The following KCNJ6 variants were observed in gnomAD, a reference collection of about 807,000 sequenced individuals.
The protein encoded by KCNJ6 is G protein-activated inward rectifier potassium channel 2.
In KCNJ6, 9 loss-of-function variants were observed where a neutral mutation model predicts 34.2. That is an observed-to-expected ratio of 0.26 (90% CI 0.16 to 0.46). The LOEUF (loss-of-function observed/expected upper bound fraction) is 0.46. KCNJ6 is among the 20% of genes least tolerant of loss of function. The probability of loss-of-function intolerance (pLI) is 1.00; values close to 1 mark genes in which losing one functional copy is unlikely to be tolerated. For missense variants in KCNJ6, 236 were observed against 531.3 expected (o/e 0.44, Z 5.46); for synonymous variants, 196 against 207.1 (o/e 0.95, Z 0.46).
chr21:37,661,416 A>G (rs1161446073), intron 3 of KCNJ6, among the ~76,000 whole-genome samples: 1 of 152,200 alleles, frequency 6.6e-6, no homozygotes. Context: ...CATAGAACAG[A>G]GTGATGTGCT....
intron 1 of KCNJ6, among the ~76,000 whole-genome samples, chr21:37,854,508 G>A (rs1336837219): frequency 6.6e-6 from 1 of 152,168 alleles, no homozygotes; most frequent in Non-Finnish European, 1.5e-5. Flanking sequence ...GGAGGCAGAT[G>A]AGCAAAGGTT....
chr21:37,647,300 C>T (rs1266405683), intron 3 of KCNJ6, among the ~76,000 whole-genome samples: 1 of 152,030 alleles, frequency 6.6e-6, no homozygotes, highest in Non-Finnish European at 1.5e-5. Flanking sequence ...TCCTATTAGA[C>T]ATAAAGACTT....
chr21:37,731,117 G>GTGTGTA (rs376713611), intron 2 of KCNJ6, among the ~76,000 whole-genome samples: 7 of 151,750 alleles, frequency 4.6e-5, no homozygotes, highest in Non-Finnish European at 1.0e-4. Flanking sequence ...GTGTGTGTGT[G>GTGTGTA]TGTGTGTGTG....
At chr21:37,899,497 C>T (rs947380766) in intron 1 of KCNJ6, among the ~76,000 whole-genome samples, 1 of 152,180 alleles carries the variant, frequency 6.6e-6, no homozygotes, top group Non-Finnish European at 1.5e-5. Flanking sequence ...ATTATAACAG[C>T]ATTTCAAGAA....
intron 1 of KCNJ6, among the ~76,000 whole-genome samples, chr21:37,884,699 A>G (rs1322435347): frequency 1.3e-5 from 2 of 152,134 alleles, no homozygotes; most frequent in African/African-American, 4.8e-5. Context: ...GAATATCTTT[A>G]TAAGTAGAGT....
At chr21:37,649,257 G>A (rs2054421195) in intron 3 of KCNJ6, among the ~76,000 whole-genome samples, 1 of 152,036 alleles carries the variant, frequency 6.6e-6, no homozygotes, top group African/African-American at 2.4e-5. Flanking sequence ...TTGTGGGAGA[G>A]GCCGAGGAGT....
At chr21:37,774,357 T>G (rs967535732) in intron 2 of KCNJ6, among the ~76,000 whole-genome samples, 1 of 152,218 alleles carries the variant, frequency 6.6e-6, no homozygotes, top group Non-Finnish European at 1.5e-5. Context: ...TATTCTTTTT[T>G]TTTTATTATA....
chr21:37,657,745 C>G (rs1017800376), intron 3 of KCNJ6, among the ~76,000 whole-genome samples: 15 of 152,284 alleles, frequency 9.9e-5, no homozygotes, highest in African/African-American at 3.6e-4. Context: ...TAAGTGAGGT[C>G]TTAGAGAAGA....
intron 1 of KCNJ6, among the ~76,000 whole-genome samples, chr21:37,881,046 A>C (rs1005768596): frequency 3.3e-5 from 5 of 152,180 alleles, no homozygotes; most frequent in Admixed American, 1.3e-4. Context: ...TGCCCATGAC[A>C]ACTTGAGCTG....
At chr21:37,670,018 G>A (rs2054534580) in intron 3 of KCNJ6, among the ~76,000 whole-genome samples, 2 of 152,098 alleles carry the variant, frequency 1.3e-5, no homozygotes, top group South Asian at 4.1e-4. Flanking sequence ...TTTAGGTCTT[G>A]ATGCATTTTG....
intron 2 of KCNJ6, among the ~76,000 whole-genome samples, chr21:37,749,072 C>T (rs1021096859): frequency 1.3e-5 from 2 of 152,120 alleles, no homozygotes; most frequent in Admixed American, 6.5e-5. Flanking sequence ...ATAAACACAC[C>T]TATGCATGCA....
chr21:37,909,448 AT>A (rs1445775700), intron 1 of KCNJ6, among the ~76,000 whole-genome samples: 1 of 151,438 alleles, frequency 6.6e-6, no homozygotes, highest in African/African-American at 2.4e-5. Context: ...TCACTGCAAC[AT>A]CTGCCTCCTG....
intron 2 of KCNJ6, among the ~76,000 whole-genome samples, chr21:37,722,205 C>T (rs1182098808): frequency 2.6e-5 from 4 of 152,054 alleles, no homozygotes. Context: ...ATCATAGCCA[C>T]ACAAAAATAA....
rs371354715 is a variant in KCNJ6, at chr21:37,841,464, T to C, written c.-27-755A>G. On this transcript the variant is annotated intron_variant, in intron 1 of 3. Coordinates refer to ENST00000609713, the MANE Select transcript of KCNJ6 (RefSeq NM_002240.5). ...ACATTGCCCACTATTATTATACTTT[T>C]TTTGTAGCCTTGTTTTTCTGTGAAA... Among the ~76,000 whole-genome samples, 44 of 152,354 alleles carry C rather than the reference T, an allele frequency of 2.9e-4. No individual in the cohort carries two copies. In the East Asian group the frequency reaches 8.1e-3, roughly 28 times the overall value.
chr21:37,670,273 A>G (rs1361665313), intron 3 of KCNJ6, among the ~76,000 whole-genome samples: 3 of 152,086 alleles, frequency 2.0e-5, no homozygotes, highest in Non-Finnish European at 4.4e-5. Flanking sequence ...CTATAGTTTT[A>G]TAGTAAGTTT....
chr21:37,863,846 G>GTTTTTTTTTTTTTTTTTTT lies in KCNJ6; in HGVS notation c.-27-23138_-27-23137insAAAAAAAAAAAAAAAAAAA, dbSNP rs772060420. ...CTTTAAGCAATTTTAAAATATAAAG[G>GTTTTTTTTTTTTTTTTTTT]TTTTTTTTTTTTTGTTTTTTTTTTT... On this transcript the variant is annotated intron_variant, in intron 1 of 3. Coordinates refer to ENST00000609713, the MANE Select transcript of KCNJ6 (RefSeq NM_002240.5). 7.4e-4 allele frequency among the ~76,000 whole-genome samples: 72 copies of GTTTTTTTTTTTTTTTTTTT among 97,052 alleles called. 10 individuals carry two copies. The highest frequency in any genetic ancestry group is 1.4e-3 in the African/African-American group (32 of 23,082). 63.7% of individuals were successfully genotyped at this position (97,052 alleles called of 152,430 possible).
chr21:37,643,259 A>T (rs2054389218), intron 3 of KCNJ6, among the ~76,000 whole-genome samples: 1 of 152,228 alleles, frequency 6.6e-6, no homozygotes, highest in African/African-American at 2.4e-5. Flanking sequence ...GTCAAGTGGA[A>T]AAAACAGTAG....
At chr21:37,826,641 A>G (rs2123559475) in intron 2 of KCNJ6, among the ~76,000 whole-genome samples, 1 of 152,256 alleles carries the variant, frequency 6.6e-6, no homozygotes, top group Non-Finnish European at 1.5e-5. Context: ...TAAAAAGAGA[A>G]TGCAAGGAAG....
In KCNJ6 at chr21:37,609,025, T is replaced by C. The variant is rs1009634114; in HGVS notation, c.*16134A>G. The C allele has an allele frequency of 2.0e-5, 3 of 152,348 alleles. No individual in the cohort carries two copies. Among genetic ancestry groups the C allele is most frequent in the East Asian group, 3.9e-4 (2 of 5,188 alleles). The allele number at this position is 152,348 out of a possible 1,614,324, so 9.4% of individuals were successfully genotyped here. A position where few individuals can be genotyped will look rare whatever the true frequency, so the allele number is the denominator to read the frequency against. On this transcript the variant is annotated 3_prime_UTR_variant, in exon 4 of 4. Coordinates refer to ENST00000609713, the MANE Select transcript of KCNJ6 (RefSeq NM_002240.5). ...CTGCTCCCAGCATTGACGAGCTTCA[T>C]GAACCTTGAAAATGGAACACTTTAT...
Sources: gnomAD v4.1 joint callset for allele counts (sites outside exome capture counted in the v4.1 genomes callset) on GRCh38, gnomAD v4.1.1 for gene constraint, MANE v1.5 for transcripts, NCBI Gene and HGNC (gene_info 2026-07-23, HGNC 2026-07-21) for gene names.